APBA1: variants seen among roughly 807,000 people sequenced by gnomAD.
The protein encoded by APBA1 is amyloid beta precursor protein binding family A member 1, also known as amyloid-beta A4 precursor protein-binding family A member 1.
Under a neutral mutation model 86.6 loss-of-function variants are expected in APBA1, and 55 were observed. That is an observed-to-expected ratio of 0.64 (90% confidence interval 0.51 to 0.80). APBA1 has a LOEUF of 0.80. Among genes scored for constraint, APBA1 ranks in the 30% least tolerant of loss-of-function variants. APBA1 has a pLI of 0.00. For synonymous variants in APBA1, 511 were observed against 493.9 expected (o/e 1.03, Z -0.46); for missense variants, 1,090 against 1,183.0 (o/e 0.92, Z 1.15).
At chr9:69,517,777 C>T (rs1264059323) in intron 1 of APBA1, among the ~76,000 whole-genome samples, 1 of 152,226 alleles carries the variant, frequency 6.6e-6, no homozygotes, top group African/African-American at 2.4e-5. Flanking sequence ...GGTCCCGCCC[C>T]GGTTCTGTCA....
intron 1 of APBA1, among the ~76,000 whole-genome samples, chr9:69,524,238 G>A (rs961209185): frequency 6.6e-6 from 1 of 151,970 alleles, no homozygotes; most frequent in African/African-American, 2.4e-5. Context: ...TAAAATCAGA[G>A]CAAGAATGAA....
rs763685239 is a variant in APBA1 at position 69,516,865 on chromosome 9, T to G, written c.346A>C (p.Ser116Arg). Reference sequence around the variant, plus strand: ...GGCCGGTACTGCACAGCATAGGCGCTCTCGTCCTCGGGGTCCTGCGCGCGC... The same window carrying G: ...GGCCGGTACTGCACAGCATAGGCGCGCTCGTCCTCGGGGTCCTGCGCGCGC... Reference protein sequence around the residue: ...AERAQDPEDESAYAVQYRPEA... With the variant: ...AERAQDPEDERAYAVQYRPEA... The change falls in exon 2 of 13, where the codon AGC becomes CGC. Residue 116 changes from serine (S) to arginine (R), a missense_variant. Physicochemically the swap from Ser to Arg is moderately radical, Grantham distance 110. Coordinates refer to ENST00000265381, the MANE Select transcript of APBA1 (RefSeq NM_001163.4). This position sits in a 1 kb window ranked among gnomAD's most constrained non-coding sequence, Gnocchi z 7.3. 1.3e-5 allele frequency: 21 copies of G among 1,597,832 alleles called. No homozygotes were observed. Among genetic ancestry groups the G allele is most frequent in the Middle Eastern group, 1.6e-4 (1 of 6,072 alleles).
intron 11 of APBA1, among the ~76,000 whole-genome samples, chr9:69,440,774 C>A (rs370263729): frequency 1.3e-5 from 2 of 152,064 alleles, no homozygotes; most frequent in East Asian, 1.9e-4. Context: ...TTGCACAGTG[C>A]GCTGCACCCA....
chr9:69,523,463 G>GTA (rs1396175369), intron 1 of APBA1, among the ~76,000 whole-genome samples: 17 of 109,188 alleles, frequency 1.6e-4, no homozygotes, highest in South Asian at 1.5e-3. Flanking sequence ...TCATGTATGT[G>GTA]TATATATATA....
chr9:69,446,876 C>T (rs1158731410), intron 10 of APBA1, among the ~76,000 whole-genome samples: 1 of 152,216 alleles, frequency 6.6e-6, no homozygotes, highest in Non-Finnish European at 1.5e-5. Flanking sequence ...CTTGTTCCTG[C>T]CCAGGCCCCA....
At chr9:69,630,280 G>A (rs963177659) in intron 1 of APBA1, among the ~76,000 whole-genome samples, 5 of 152,074 alleles carry the variant, frequency 3.3e-5, no homozygotes, top group Admixed American at 6.6e-5. Flanking sequence ...ATCAGGGGAC[G>A]GGGCCAGCAA....
At chr9:69,636,030 C>T (rs766053766) in intron 1 of APBA1, among the ~76,000 whole-genome samples, 1 of 152,102 alleles carries the variant, frequency 6.6e-6, no homozygotes, top group African/African-American at 2.4e-5. Context: ...AGATAAATAA[C>T]CAGAGCTAAA....
At chr9:69,650,222 G>A (rs1588412199) in intron 1 of APBA1, among the ~76,000 whole-genome samples, 1 of 152,302 alleles carries the variant, frequency 6.6e-6, no homozygotes, top group African/African-American at 2.4e-5. Context: ...TCTGCAAAAT[G>A]AGGATAACAA....
chr9:69,655,944 T>C (rs936408906), intron 1 of APBA1, among the ~76,000 whole-genome samples: 1 of 152,228 alleles, frequency 6.6e-6, no homozygotes, highest in African/African-American at 2.4e-5. Flanking sequence ...GTGACTGACA[T>C]GCTAACTACT....
At chr9:69,441,201 A>C in intron 10 of APBA1, 86 bp from the exon 11 acceptor site, 1 of 1,490,260 alleles carries the variant, frequency 6.7e-7, no homozygotes, top group Non-Finnish European at 9.0e-7. Flanking sequence ...AGGCAAAAGA[A>C]GCTGCACTGA....
chr9:69,514,323 T>G (rs1022804613), intron 2 of APBA1, among the ~76,000 whole-genome samples: 1 of 152,058 alleles, frequency 6.6e-6, no homozygotes, highest in Non-Finnish European at 1.5e-5. Context: ...GGGAGTGGTG[T>G]TTCACATCTG....
intron 1 of APBA1, among the ~76,000 whole-genome samples, chr9:69,647,980 T>C (rs1823423344): frequency 6.6e-6 from 1 of 152,216 alleles, no homozygotes; most frequent in South Asian, 2.1e-4. Context: ...ACTGGCAAGC[T>C]TTGGCTGTTG....
intron 5 of APBA1, chr9:69,461,013 G>A: frequency 6.6e-6 from 1 of 152,228 alleles, no homozygotes; most frequent in East Asian, 1.9e-4. Flanking sequence ...GTACAGGCGT[G>A]AGCCACTGTG....
At chr9:69,464,342 A>G (rs1889400) in intron 5 of APBA1, 80,017 of 152,160 alleles carry the variant, frequency 0.53, 22,407 homozygotes, top group African/African-American at 0.72. Context: ...CAATGCATAG[A>G]TGCACATTGT....
chr9:69,644,829 G>A (rs974409447), intron 1 of APBA1, among the ~76,000 whole-genome samples: 1 of 152,166 alleles, frequency 6.6e-6, no homozygotes, highest in African/African-American at 2.4e-5. Flanking sequence ...AGCAGGAGTA[G>A]GTAATAAAAG....
chr9:69,574,964 G>T (rs1173793396), intron 1 of APBA1, among the ~76,000 whole-genome samples: 4 of 152,078 alleles, frequency 2.6e-5, no homozygotes, highest in Non-Finnish European at 4.4e-5. Context: ...GCCTAGGCTG[G>T]AGTGCAGTGG....
At chr9:69,526,024 A>G (rs913721065) in intron 1 of APBA1, among the ~76,000 whole-genome samples, 3 of 152,160 alleles carry the variant, frequency 2.0e-5, no homozygotes, top group Non-Finnish European at 2.9e-5. Context: ...TATGCAGAAG[A>G]ATGAAACCAG....
At chr9:69,587,687 T>G (rs1180975384) in intron 1 of APBA1, among the ~76,000 whole-genome samples, 1 of 152,172 alleles carries the variant, frequency 6.6e-6, no homozygotes, top group Non-Finnish European at 1.5e-5. Context: ...ACGACCCACC[T>G]TTGGTAGCAG....
At chr9:69,570,236 T>G (rs1837094679) in intron 1 of APBA1, among the ~76,000 whole-genome samples, 1 of 152,184 alleles carries the variant, frequency 6.6e-6, no homozygotes, top group African/African-American at 2.4e-5. Flanking sequence ...TGCCAGGCAG[T>G]GATGACATGC....
Sources: gnomAD v4.1 joint callset for allele counts (sites outside exome capture counted in the v4.1 genomes callset) on GRCh38, gnomAD v4.1.1 for gene constraint, Gnocchi (gnomAD v3.1) non-coding constraint, MANE v1.5 for transcripts, NCBI Gene and HGNC (gene_info 2026-07-23, HGNC 2026-07-21) for gene names.